CDH26: variants seen among roughly 807,000 people sequenced by gnomAD.
The protein encoded by CDH26 is cadherin 26, also known as cadherin-like protein 26.
CDH26 carries 83 observed loss-of-function variants against 90.3 expected under a neutral mutation model. The observed-to-expected ratio is 0.92, with a 90% CI of 0.77 to 1.10. The LOEUF (loss-of-function observed/expected upper bound fraction) is 1.10, where lower values mean the gene tolerates loss of function less well. CDH26 is among the 50% of genes least tolerant of loss of function. The pLI is 0.00. For missense variants in CDH26, 1,013 were observed against 1,037.6 expected, an observed-to-expected ratio of 0.98 and a Z score of 0.33; for synonymous variants, 397 against 396.3, an observed-to-expected ratio of 1.00 and a Z score of -0.02.
At position 59,984,989 on chromosome 20, in the gene CDH26, C is replaced by T. The variant is rs2061435973; in HGVS notation, c.709-12C>T. The stretch of plus-strand genomic sequence containing the variant: ...ATTTGAGGGGCTTAACTTTCCTTTT[C>T]CTCCCACATAGACCGCTCCTCAGTT... On this transcript the variant is annotated splice_polypyrimidine_tract_variant and intron_variant, in intron 6 of 17. Coordinates refer to ENST00000348616, the MANE Select transcript of CDH26 (RefSeq NM_177980.4). 22 of 1,609,536 alleles carry T rather than the reference C, an allele frequency of 1.4e-5. No individual in the cohort carries two copies. The highest frequency in any genetic ancestry group is 2.7e-5 in the African/African-American group (2 of 74,742).
In CDH26 at chr20:59,958,771, A is replaced by G; in HGVS notation, c.45A>G (p.Leu15=). ...SGRHPSLLLL[L]VLLLWLLQVS... ...GGCACCCCTCGCTGCTGCTGCTTCT[A>G]GTGCTGCTGCTGTGGCTGCTGCAGG... The change falls in exon 1 of 18, where the codon CTA becomes CTG. Residue 15 remains leucine, a synonymous_variant. Transcript: ENST00000348616. The G allele has an allele frequency of 6.2e-7, 1 of 1,613,970 alleles. No individual in the cohort carries two copies. The highest frequency in any genetic ancestry group is 2.2e-5 in the East Asian group (1 of 44,872).
At chr20:60,004,720 C>G (rs546750109) in intron 16 of CDH26, among the ~76,000 whole-genome samples, 16 of 146,002 alleles carry the variant, frequency 1.1e-4, no homozygotes, top group Admixed American at 3.4e-4. Context: ...GAGCCAAGAT[C>G]GCGCCACTGC....
intron 3 of CDH26, among the ~76,000 whole-genome samples, chr20:59,970,962 G>A (rs914204782): frequency 2.0e-5 from 3 of 152,122 alleles, no homozygotes; most frequent in Admixed American, 6.5e-5. Context: ...CGGGGCTTGA[G>A]TTACTCAGAA....
At chr20:59,996,472 C>G (rs1296406357) in intron 12 of CDH26, 159 bp from the exon 13 acceptor site, 5 of 1,608,800 alleles carry the variant, frequency 3.1e-6, no homozygotes, top group Non-Finnish European at 4.2e-6. Flanking sequence ...TACTGGTACC[C>G]TGGAACTGTG....
intron 9 of CDH26, among the ~76,000 whole-genome samples, chr20:59,989,541 A>C (rs1159256378): frequency 6.6e-6 from 1 of 151,536 alleles, no homozygotes; most frequent in African/African-American, 2.4e-5. Context: ...TCTCAAAAAA[A>C]AAAAAAAAAA....
intron 16 of CDH26, among the ~76,000 whole-genome samples, chr20:60,005,830 A>C (rs1002762): frequency 6.6e-6 from 1 of 152,050 alleles, no homozygotes; most frequent in African/African-American, 2.4e-5. Flanking sequence ...CCTCTATCAC[A>C]TGGCCTTTGC....
At chr20:59,997,852 T>C (rs988378084) in intron 13 of CDH26, among the ~76,000 whole-genome samples, 2 of 152,216 alleles carry the variant, frequency 1.3e-5, no homozygotes, top group African/African-American at 4.8e-5. Context: ...TTCTCAAAAA[T>C]ATTTGATTGA....
Position 59,969,140 on chromosome 20 carries a change from A to AAAAT in CDH26, c.126+119_126+122dup, listed in dbSNP as rs2061216513. The AAAAT allele has an allele frequency of 7.7e-6, 5 of 649,474 alleles. No homozygotes were observed. The East Asian group carries it at 1.3e-4, about 17-fold the overall frequency. 40.2% of individuals were successfully genotyped at this position (649,474 alleles called of 1,614,324 possible). A position where few individuals can be genotyped will look rare whatever the true frequency, so the allele number is the denominator to read the frequency against. On this transcript the variant is annotated intron_variant, in intron 2 of 17. Coordinates refer to ENST00000348616, the MANE Select transcript of CDH26 (RefSeq NM_177980.4). ...TGCCAATGTTTGGTTTGCAGAAAATAAAATAGTAACTTCATGTGGCCTTTT... is the reference window on the plus strand; with the variant it reads ...TGCCAATGTTTGGTTTGCAGAAAATAAAATAAATAGTAACTTCATGTGGCCTTTT...
chr20:59,987,562 T>C lies in CDH26; in HGVS notation c.947T>C (p.Leu316Ser), dbSNP rs771227362. The C allele has an allele frequency of 3.7e-6, 6 of 1,613,928 alleles. No individual in the cohort carries two copies. The African/African-American group carries it at 8.0e-5, about 22-fold the overall frequency. The stretch of plus-strand genomic sequence containing the variant: ...GCTTGGAGAGCAAAATTCAACATAT[T>C]GCATGGCAATGAAGAGGGGCATTTT... ...TSAWRAKFNILHGNEEGHFDI... is the reference protein window; with the variant it reads ...TSAWRAKFNISHGNEEGHFDI... Residue 316 changes from leucine (L) to serine (S), a missense_variant, in exon 8 of 18, where the codon TTG (leucine) becomes TCG (serine). Transcript: ENST00000348616.
chr20:59,990,023 T>C (rs1266894691), intron 9 of CDH26, among the ~76,000 whole-genome samples: 2 of 152,236 alleles, frequency 1.3e-5, no homozygotes, highest in Middle Eastern at 3.4e-3. Context: ...AACCACTCAT[T>C]CCCCCTTCTC....
chr20:60,026,707 G>C (rs1174217218), intron 7 of CDH26, among the ~76,000 whole-genome samples: 1 of 152,230 alleles, frequency 6.6e-6, no homozygotes, highest in African/African-American at 2.4e-5. Context: ...CAGCCTGGCT[G>C]ATGCCTTGAC....
chr20:60,002,548 G>C (rs1277474384), intron 15 of CDH26, among the ~76,000 whole-genome samples: 2 of 152,050 alleles, frequency 1.3e-5, no homozygotes, highest in Non-Finnish European at 2.9e-5. Context: ...TTTGTATTCA[G>C]GGCATGGCCA....
At chr20:59,959,287 A>G (rs1399781050) in intron 1 of CDH26, among the ~76,000 whole-genome samples, 1 of 152,032 alleles carries the variant, frequency 6.6e-6, no homozygotes, top group African/African-American at 2.4e-5. Flanking sequence ...TTTTATAGAG[A>G]TGGATTTTCA....
chr20:60,027,015 C>T (rs888710809), intron 7 of CDH26, among the ~76,000 whole-genome samples: 4 of 152,070 alleles, frequency 2.6e-5, no homozygotes, highest in African/African-American at 7.2e-5. Context: ...GGAGAAGACA[C>T]GAGGGGCCAC....
Position 59,994,417 on chromosome 20 carries a change from G to C in CDH26, c.1594G>C (p.Asp532His). Residue 532 changes from aspartate (D) to histidine (H), a missense_variant, in exon 11 of 18, where the codon GAC (aspartate) becomes CAC (histidine). Transcript: ENST00000348616. ...GGATCCGGACCTGGAGCCGTTCTCTGACCCATTTACATTTGAATTGGACAA... is the reference window on the plus strand; with the variant it reads ...GGATCCGGACCTGGAGCCGTTCTCTCACCCATTTACATTTGAATTGGACAA... ...AEDPDLEPFS[D>H]PFTFELDNTW... is the part of the protein sequence containing the mutation. The C allele has an allele frequency of 6.2e-7, 1 of 1,614,132 alleles. No homozygotes were observed. The highest frequency in any genetic ancestry group is 8.5e-7 in the Non-Finnish European group (1 of 1,180,010).
At position 59,992,467 on chromosome 20, in the gene CDH26, C is replaced by T. The variant is rs770653358; in HGVS notation, c.1373C>T (p.Ser458Phe). 1.2e-6 allele frequency: 2 copies of T among 1,614,088 alleles called. No homozygotes were observed. Among genetic ancestry groups the T allele is most frequent in the Non-Finnish European group, 1.7e-6 (2 of 1,179,982 alleles). ...ACCGTGGAGCCAATTGACCGAGAATCCCCTCATGTAAATAACAGTTTTTAT... is the reference window on the plus strand; with the variant it reads ...ACCGTGGAGCCAATTGACCGAGAATTCCCTCATGTAAATAACAGTTTTTAT... ...VITVEPIDRE[S>F]PHVNNSFYVI... is the part of the protein sequence containing the mutation. The change falls in exon 10 of 18, where the codon TCC (serine) becomes TTC (phenylalanine). Residue 458 changes from serine to phenylalanine, a missense_variant. By Grantham distance (155) the Ser-to-Phe change is radical. Coordinates refer to ENST00000348616, the MANE Select transcript of CDH26 (RefSeq NM_177980.4). The surrounding 1 kb of genome is among the most constrained non-coding windows in gnomAD (Gnocchi z 5.0).
intron 4 of CDH26, among the ~76,000 whole-genome samples, chr20:59,972,653 A>G (rs1049481743): frequency 7.2e-5 from 11 of 152,228 alleles, no homozygotes; most frequent in Admixed American, 6.5e-4. Context: ...TAAAGAAAAA[A>G]GCCCTGAACC....
At chr20:60,004,925 T>C (rs972575259) in intron 16 of CDH26, among the ~76,000 whole-genome samples, 2 of 151,890 alleles carry the variant, frequency 1.3e-5, no homozygotes, top group African/African-American at 4.8e-5. Flanking sequence ...TGTATATAGA[T>C]AGATATGTGT....
intron 9 of CDH26, among the ~76,000 whole-genome samples, chr20:59,990,914 C>T (rs925470489): frequency 1.3e-4 from 20 of 151,550 alleles, no homozygotes; most frequent in African/African-American, 3.9e-4. Flanking sequence ...CTTTCACCCA[C>T]GCTGGAGTGC....
Sources: allele counts gnomAD v4.1 joint callset (sites outside exome capture counted in the v4.1 genomes callset), GRCh38; gene constraint gnomAD v4.1.1; non-coding constraint Gnocchi (gnomAD v3.1); transcripts MANE v1.5; gene names NCBI Gene and HGNC (gene_info 2026-07-23, HGNC 2026-07-21).